Variants in NOP9 observed in about 807,000 individuals in gnomAD.
NOP9 encodes the protein NOP9 nucleolar protein, also known as nucleolar protein 9.
NOP9 carries 50 observed loss-of-function variants against 63.0 expected under a neutral mutation model. That is an observed-to-expected ratio of 0.79 (90% confidence interval 0.63 to 1.00). The LOEUF is 1.00. NOP9 is among the 50% of genes least tolerant of loss of function. NOP9 has a pLI of 0.00. For synonymous variants in NOP9, 343 were observed against 332.8 expected (o/e 1.03, Z -0.33); for missense variants, 758 against 803.0 (o/e 0.94, Z 0.68).
the NOP9 span, among the ~76,000 whole-genome samples, chr14:24,274,979 C>T: frequency 7.5e-6 from 1 of 132,518 alleles, no homozygotes; most frequent in Non-Finnish European, 1.5e-5. Flanking sequence ...ATGGCACCAT[C>T]TTGGCTCACT....
chr14:24,279,871 CTA>C, the NOP9 span, among the ~76,000 whole-genome samples: 1 of 152,176 alleles, frequency 6.6e-6, no homozygotes, highest in South Asian at 2.1e-4. Context: ...CCCTGACGTT[CTA>C]TGTCAAGTGA....
chr14:24,294,090 C>A, the NOP9 span: 1 of 151,934 alleles, frequency 6.6e-6, no homozygotes, highest in South Asian at 2.1e-4. Context: ...CTAAAAGGAT[C>A]AAATATTTAA....
the NOP9 span, chr14:24,290,967 C>G: frequency 6.2e-7 from 1 of 1,614,094 alleles, no homozygotes; most frequent in Non-Finnish European, 8.5e-7. Context: ...GAACAGAGCT[C>G]AAAGACAAAT....
chr14:24,302,399 T>A lies in NOP9; in HGVS notation c.1118T>A (p.Leu373Gln). ...GCCAACTTCCCTTTGCAGCGCTTAC[T>A]GGATGCAGTCACTACCCCTGAGCTG... Reference protein sequence around the residue: ...PIANFPLQRLLDAVTTPELLS... With the variant: ...PIANFPLQRLQDAVTTPELLS... The change falls in exon 5 of 10, where the codon CTG becomes CAG. Residue 373 changes from leucine to glutamine, a missense_variant. Coordinates refer to ENST00000267425, the MANE Select transcript of NOP9 (RefSeq NM_174913.3). 6.2e-7 allele frequency: 1 copy of A among 1,613,036 alleles called. No homozygotes were observed. The highest frequency in any genetic ancestry group is 8.5e-7 in the Non-Finnish European group (1 of 1,179,250).
upstream of NOP9, chr14:24,296,393 A>T: frequency 1.0e-6 from 1 of 978,890 alleles, no homozygotes. Context: ...AATGGAAGGG[A>T]GAAGAAAGAG....
chr14:24,307,705 T>TG lies in NOP9; in HGVS notation c.*2614dup. 1 of 1,297,042 alleles carries TG rather than the reference T, an allele frequency of 7.7e-7. No homozygotes were observed. Among genetic ancestry groups the TG allele is most frequent in the Non-Finnish European group, 1.1e-6 (1 of 918,928 alleles). 80.3% of individuals were successfully genotyped at this position (1,297,042 alleles called of 1,614,324 possible). ...GGAGCTTGACAAGCCCACTGTGGAG[T>TG]GGGGAGCAGGAGAGGAAGGGGTACT... On this transcript the variant is annotated 3_prime_UTR_variant, in exon 10 of 10. Transcript: ENST00000267425.
At position 24,306,489 on chromosome 14, in the gene NOP9, G is replaced by T. The variant is rs952239656; in HGVS notation, c.*1394G>T. Reference sequence around the variant, plus strand: ...AGTTCCATCCTCCTCTAGCACCAGGGTTAGCACTCCATTCAGCAGTAGGGT... The same window carrying T: ...AGTTCCATCCTCCTCTAGCACCAGGTTTAGCACTCCATTCAGCAGTAGGGT... On this transcript the variant is annotated 3_prime_UTR_variant, in exon 10 of 10. Transcript: ENST00000267425. 9 of 1,614,106 alleles carry T rather than the reference G, an allele frequency of 5.6e-6. No homozygotes were observed. The highest frequency in any genetic ancestry group is 7.6e-6 in the Non-Finnish European group (9 of 1,180,052).
the NOP9 span, among the ~76,000 whole-genome samples, chr14:24,281,823 G>T: frequency 6.6e-6 from 1 of 152,244 alleles, no homozygotes; most frequent in African/African-American, 2.4e-5. Context: ...TGGCCAAGAG[G>T]AACTTAGGCT....
chr14:24,299,924 C>A lies in NOP9; in HGVS notation c.-31C>A, dbSNP rs1350082954. ...GAAGGTCCGTCCGCAGTTAAGGAAG[C>A]TTTTGCAGCCGGACAGGTCGCGAAG... On this transcript the variant is annotated 5_prime_UTR_variant, in exon 1 of 10. Coordinates refer to ENST00000267425, the MANE Select transcript of NOP9 (RefSeq NM_174913.3). 1.3e-6 allele frequency: 2 copies of A among 1,513,512 alleles called. No individual in the cohort carries two copies. The highest frequency in any genetic ancestry group is 4.6e-5 in the East Asian group (2 of 43,786). The allele number at this position is 1,513,512 out of a possible 1,614,324, so 93.8% of individuals were successfully genotyped here.
In NOP9 at chr14:24,299,910, C is replaced by A; in HGVS notation, c.-45C>A. 1.3e-6 allele frequency: 2 copies of A among 1,506,376 alleles called. No homozygotes were observed. The allele number at this position is 1,506,376 out of a possible 1,614,324, so 93.3% of individuals were successfully genotyped here. ...CGCTTGGCGACGTCGAAGGTCCGTCCGCAGTTAAGGAAGCTTTTGCAGCCG... is the reference window on the plus strand; with the variant it reads ...CGCTTGGCGACGTCGAAGGTCCGTCAGCAGTTAAGGAAGCTTTTGCAGCCG... On this transcript the variant is annotated 5_prime_UTR_variant, in exon 1 of 10. Coordinates refer to ENST00000267425, the MANE Select transcript of NOP9 (RefSeq NM_174913.3).
chr14:24,305,183 A>T lies in NOP9; in HGVS notation c.*88A>T. ...TTTCCTGGTTTAAATTGGAGTCAGA[A>T]GTCTTAGTGGTAAATATTTGATATT... On this transcript the variant is annotated 3_prime_UTR_variant, in exon 10 of 10. Coordinates refer to ENST00000267425, the MANE Select transcript of NOP9 (RefSeq NM_174913.3). The T allele has an allele frequency of 8.1e-7, 1 of 1,239,048 alleles. No individual in the cohort carries two copies. 76.8% of individuals were successfully genotyped at this position (1,239,048 alleles called of 1,614,324 possible).
At chr14:24,271,244 C>G in the NOP9 span, 1 of 1,258,388 alleles carries the variant, frequency 7.9e-7, no homozygotes, top group Non-Finnish European at 1.1e-6. Flanking sequence ...AAGCAGCAAG[C>G]GTGCCTGGGC....
Position 24,305,244 on chromosome 14 carries a change from G to C in NOP9, c.*149G>C. 6 of 877,330 alleles carry C rather than the reference G, an allele frequency of 6.8e-6. No individual in the cohort carries two copies. The highest frequency in any genetic ancestry group is 8.0e-6 in the Non-Finnish European group (5 of 622,760). 54.3% of individuals were successfully genotyped at this position (877,330 alleles called of 1,614,324 possible). On this transcript the variant is annotated 3_prime_UTR_variant, in exon 10 of 10. Transcript: ENST00000267425. Reference sequence around the variant, plus strand: ...ATGTTTTTGTTAGTTTGAGGGGAAGGGTATGAAGACAGATCTCAAGGTAAA... The same window carrying C: ...ATGTTTTTGTTAGTTTGAGGGGAAGCGTATGAAGACAGATCTCAAGGTAAA...
the NOP9 span, among the ~76,000 whole-genome samples, chr14:24,273,006 C>T: frequency 7.9e-5 from 12 of 151,938 alleles, no homozygotes; most frequent in African/African-American, 2.9e-4. Flanking sequence ...GATTTTTTTC[C>T]CTGTGCCTAC....
At chr14:24,296,301 A>G (rs989446483), upstream of NOP9, among the ~76,000 whole-genome samples, 3 of 152,214 alleles carry the variant, frequency 2.0e-5, no homozygotes, top group African/African-American at 7.2e-5. Context: ...GCTTGTTCCA[A>G]TGAAAATTAC....
At chr14:24,290,247 C>T in the NOP9 span, among the ~76,000 whole-genome samples, 1 of 152,246 alleles carries the variant, frequency 6.6e-6, no homozygotes, top group East Asian at 1.9e-4. Flanking sequence ...AGTACCTTCT[C>T]CCCAAGTTCC....
the NOP9 span, chr14:24,293,016 C>T: frequency 2.0e-5 from 10 of 506,714 alleles, no homozygotes; most frequent in Admixed American, 1.2e-4. Flanking sequence ...AGAAATGGAA[C>T]GCAAGAGCCC....
At chr14:24,299,222 T>G, upstream of NOP9, 1 of 1,231,838 alleles carries the variant, frequency 8.1e-7, no homozygotes, top group Admixed American at 2.7e-5. Context: ...TCACTAGGGC[T>G]AAGAGGAGGA....
At chr14:24,282,152 A>C in the NOP9 span, among the ~76,000 whole-genome samples, 1 of 152,180 alleles carries the variant, frequency 6.6e-6, no homozygotes, top group Admixed American at 6.5e-5. Context: ...GCGCCACTGC[A>C]CTCCAGCCTG....
Sources: allele counts gnomAD v4.1 joint callset (sites outside exome capture counted in the v4.1 genomes callset), GRCh38; gene constraint gnomAD v4.1.1; transcripts MANE v1.5; gene names NCBI Gene and HGNC (gene_info 2026-07-23, HGNC 2026-07-21).